Variants in LCOR observed in about 807,000 individuals in gnomAD.
LCOR encodes ligand-dependent corepressor.
A neutral mutation model predicts 64.4 loss-of-function variants in LCOR; 14 were observed. The observed-to-expected ratio is 0.22, with a 90% CI of 0.14 to 0.34. LCOR has a LOEUF of 0.34. Ranked by LOEUF, LCOR falls within the 10% of genes least tolerant of loss-of-function variation. LCOR has a pLI of 1.00. For missense variants in LCOR, 1,686 were observed against 1,765.3 expected (o/e 0.96, Z 0.80); for synonymous variants, 643 against 642.5 (o/e 1.00, Z -0.01).
At chr10:96,841,357 T>G (rs989732525) in intron 2 of LCOR, among the ~76,000 whole-genome samples, 2 of 147,298 alleles carry the variant, frequency 1.4e-5, no homozygotes, top group East Asian at 4.1e-4. Flanking sequence ...TCTAGAAAAC[T>G]TACACTTTTT....
chr10:96,854,240 A>T (rs1003661774), intron 2 of LCOR, among the ~76,000 whole-genome samples: 1 of 152,212 alleles, frequency 6.6e-6, no homozygotes, highest in African/African-American at 2.4e-5. Flanking sequence ...TAATGGTAGG[A>T]TGATATAAAG....
At chr10:96,858,592 A>T (rs987160050) in intron 2 of LCOR, among the ~76,000 whole-genome samples, 1 of 152,220 alleles carries the variant, frequency 6.6e-6, no homozygotes, top group Non-Finnish European at 1.5e-5. Flanking sequence ...AGAGATATTC[A>T]ATATGATTGT....
intron 4 of LCOR, among the ~76,000 whole-genome samples, chr10:96,911,455 T>C (rs1307046050): frequency 6.6e-6 from 1 of 152,132 alleles, no homozygotes; most frequent in Non-Finnish European, 1.5e-5. Context: ...CCTAGTTTTA[T>C]AAATAAAGAA....
chr10:96,838,720 G>A (rs889614078), intron 2 of LCOR, among the ~76,000 whole-genome samples: 2 of 152,166 alleles, frequency 1.3e-5, no homozygotes, highest in African/African-American at 4.8e-5. Context: ...TTGTTTATCC[G>A]TTAATCAGTT....
rs1185138206 is a variant in LCOR at position 96,920,671 on chromosome 10, TATATATTC to T, written c.-184+12931_-184+12938del. 3.0e-5 allele frequency among the ~76,000 whole-genome samples: 3 copies of T among 100,960 alleles called. No individual in the cohort carries two copies. The South Asian group carries it at 6.8e-4, about 23-fold the overall frequency. The allele number at this position is 100,960 out of a possible 152,430, so 66.2% of individuals were successfully genotyped here. On this transcript the variant is annotated intron_variant, in intron 4 of 7. Transcript: ENST00000421806. ...ATATATGTGTATATATGTATATATG[TATATATTC>T]ATATATGTGTATATATGTTCATATA... is the stretch of plus-strand genomic sequence containing the variant.
intron 4 of LCOR, among the ~76,000 whole-genome samples, chr10:96,940,693 GAA>G (rs1677676361): frequency 8.2e-6 from 1 of 122,346 alleles, no homozygotes; most frequent in African/African-American, 3.2e-5. Context: ...AGAACAAAAT[GAA>G]AAGTCTCCCA....
chr10:96,897,445 A>G (rs1230187794), intron 2 of LCOR, among the ~76,000 whole-genome samples: 2 of 152,196 alleles, frequency 1.3e-5, no homozygotes, highest in Non-Finnish European at 2.9e-5. Flanking sequence ...GTTTCTTTCT[A>G]AGCATGATTA....
chr10:96,865,973 A>G (rs1463485673), intron 2 of LCOR, among the ~76,000 whole-genome samples: 2 of 152,136 alleles, frequency 1.3e-5, no homozygotes, highest in Non-Finnish European at 2.9e-5. Flanking sequence ...CTGCCACAGT[A>G]ACTGATTCCT....
chr10:96,924,694 A>T (rs1273149546), intron 4 of LCOR, among the ~76,000 whole-genome samples: 3 of 152,024 alleles, frequency 2.0e-5, no homozygotes, highest in Non-Finnish European at 4.4e-5. Context: ...TCTTTGTCAT[A>T]ATTACTACTT....
At chr10:96,848,931 TA>T (rs2134375335) in intron 2 of LCOR, among the ~76,000 whole-genome samples, 1 of 151,330 alleles carries the variant, frequency 6.6e-6, no homozygotes, top group African/African-American at 2.4e-5. Context: ...TTTGTGCATA[TA>T]AAATAAATAG....
At position 96,920,434 on chromosome 10, in the gene LCOR, G is replaced by GTGTATATGTATATATATTCA. The variant is rs1554837187; in HGVS notation, c.-184+12688_-184+12689insGTATATGTATATATATTCAT. On this transcript the variant is annotated intron_variant, in intron 4 of 7. Coordinates refer to ENST00000421806, the MANE Select transcript of LCOR (RefSeq NM_001346516.2). ...TATGTATATATATTCATATATATGT[G>GTGTATATGTATATATATTCA]TATATATGTGTATATATATGTATAT... Among the ~76,000 whole-genome samples the GTGTATATGTATATATATTCA allele has an allele frequency of 6.5e-5, 8 of 124,002 alleles. 1 individual carries two copies. Among genetic ancestry groups the GTGTATATGTATATATATTCA allele is most frequent in the Admixed American group, 6.2e-4 (8 of 12,822 alleles). The allele number at this position is 124,002 out of a possible 152,430, so 81.4% of individuals were successfully genotyped here. A position where few individuals can be genotyped will look rare whatever the true frequency, so the allele number is the denominator to read the frequency against.
intron 2 of LCOR, among the ~76,000 whole-genome samples, chr10:96,868,441 A>C (rs1846015481): frequency 6.6e-6 from 1 of 150,478 alleles, no homozygotes; most frequent in African/African-American, 2.4e-5. Flanking sequence ...CCCCCGGCTA[A>C]TTTTTTGTAT....
At chr10:96,915,804 G>C (rs769696373) in intron 4 of LCOR, 12 of 588,790 alleles carry the variant, frequency 2.0e-5, no homozygotes, top group African/African-American at 7.5e-5. Context: ...GGCTTTGGAG[G>C]AGCAGGGTTA....
intron 2 of LCOR, among the ~76,000 whole-genome samples, chr10:96,851,066 G>A (rs1304130589): frequency 6.6e-6 from 1 of 152,216 alleles, no homozygotes; most frequent in African/African-American, 2.4e-5. Flanking sequence ...TTCAAGGAGT[G>A]AATTTCTTAC....
In LCOR at chr10:96,982,648, A is replaced by G; in HGVS notation, c.2188A>G (p.Ser730Gly). 6.2e-7 allele frequency: 1 copy of G among 1,614,182 alleles called. No homozygotes were observed. Among genetic ancestry groups the G allele is most frequent in the Non-Finnish European group, 8.5e-7 (1 of 1,180,036 alleles). The change falls in exon 8 of 8, where the codon AGT (serine) becomes GGT (glycine). Residue 730 changes from serine (S) to glycine (G), a missense_variant. This residue lies in a region of LCOR where 1,293 missense variants were observed against 1,410.4 expected (regional missense o/e 0.92). Coordinates refer to ENST00000421806, the MANE Select transcript of LCOR (RefSeq NM_001346516.2). ...AAAGGCTGAGGACAACCAAAGCATC[A>G]GTGCTGAGGTTGAGTCTGGAGACAC... is the stretch of plus-strand genomic sequence containing the variant. ...LGKAEDNQSI[S>G]AEVESGDTQE...
At position 96,994,318 on chromosome 10, in the gene LCOR, T is replaced by C. The variant is rs1408576701; in HGVS notation, c.*9184T>C. 1.3e-5 allele frequency: 2 copies of C among 152,224 alleles called. No individual in the cohort carries two copies. The highest frequency in any genetic ancestry group is 4.8e-5 in the African/African-American group (2 of 41,450). 9.4% of individuals were successfully genotyped at this position (152,224 alleles called of 1,614,324 possible). A position where few individuals can be genotyped will look rare whatever the true frequency, so the allele number is the denominator to read the frequency against. On this transcript the variant is annotated 3_prime_UTR_variant, in exon 8 of 8. Coordinates refer to ENST00000421806, the MANE Select transcript of LCOR (RefSeq NM_001346516.2). The stretch of plus-strand genomic sequence containing the variant: ...CTAAAGCTGCCTTCGTGTCTGGGAT[T>C]ACACCATGTAGGTCAGTATAAAGAG...
At chr10:96,931,752 C>G (rs1847264768) in intron 4 of LCOR, among the ~76,000 whole-genome samples, 1 of 152,122 alleles carries the variant, frequency 6.6e-6, no homozygotes, top group Admixed American at 6.5e-5. Flanking sequence ...ATACATTCTT[C>G]ATTTGTTTCA....
intron 2 of LCOR, among the ~76,000 whole-genome samples, chr10:96,898,931 AAG>A (rs1237653621): frequency 6.6e-6 from 1 of 152,170 alleles, no homozygotes; most frequent in Non-Finnish European, 1.5e-5. Context: ...AGGGATGGAA[AAG>A]AGAGAACAGA....
At chr10:96,903,779 G>T (rs1419069829) in intron 2 of LCOR, among the ~76,000 whole-genome samples, 1 of 152,134 alleles carries the variant, frequency 6.6e-6, no homozygotes, top group East Asian at 1.9e-4. Flanking sequence ...TCTATCTTCT[G>T]TTTTCGAGAG....
Sources: allele counts gnomAD v4.1 joint callset (sites outside exome capture counted in the v4.1 genomes callset), GRCh38; gene constraint gnomAD v4.1.1; regional missense constraint gnomAD v4.1.1; transcripts MANE v1.5; gene names NCBI Gene and HGNC (gene_info 2026-07-23, HGNC 2026-07-21).